The following FSHR variants were observed in gnomAD, a reference collection of about 807,000 sequenced individuals.
FSHR encodes follicle stimulating hormone receptor.
Under a neutral mutation model 52.1 loss-of-function variants are expected in FSHR, and 46 were observed. That is an observed-to-expected ratio of 0.88 (90% confidence interval 0.70 to 1.13). The LOEUF is 1.13. FSHR is among the 50% of genes most tolerant of loss of function. The pLI is 0.00. For synonymous variants in FSHR, 399 were observed against 309.6 expected (o/e 1.29, Z -3.03); for missense variants, 964 against 834.6 (o/e 1.16, Z -1.91).
chr2:49,007,430 G>A (rs1038915077), intron 4 of FSHR, among the ~76,000 whole-genome samples: 2 of 152,120 alleles, frequency 1.3e-5, no homozygotes, highest in African/African-American at 4.8e-5. Context: ...TCAACCAGCT[G>A]TTTGTGTAAA....
chr2:48,964,279 A>T (rs1306768516), intron 9 of FSHR, among the ~76,000 whole-genome samples: 1 of 152,152 alleles, frequency 6.6e-6, no homozygotes, highest in Non-Finnish European at 1.5e-5. Flanking sequence ...CAGAGCTGGC[A>T]TCAACTCGAC....
At chr2:49,118,378 A>C (rs1671680908) in intron 1 of FSHR, among the ~76,000 whole-genome samples, 1 of 152,156 alleles carries the variant, frequency 6.6e-6, no homozygotes, top group South Asian at 2.1e-4. Context: ...TAGTGAGCTC[A>C]TTCACAAAGG....
intron 1 of FSHR, among the ~76,000 whole-genome samples, chr2:49,075,604 T>C (rs1003199255): frequency 6.6e-6 from 1 of 152,072 alleles, no homozygotes; most frequent in Non-Finnish European, 1.5e-5. Flanking sequence ...ATATTTAAAT[T>C]AGAGAACTCT....
intron 1 of FSHR, among the ~76,000 whole-genome samples, chr2:49,106,009 A>G (rs1671207496): frequency 6.6e-6 from 1 of 152,150 alleles, no homozygotes; most frequent in Admixed American, 6.6e-5. Context: ...CTCCTCTGTA[A>G]AATGGGCATA....
At chr2:48,997,252 G>C in intron 4 of FSHR, 2 of 985,046 alleles carry the variant, frequency 2.0e-6, no homozygotes, top group Non-Finnish European at 2.4e-6. Flanking sequence ...GGAAAGCCTG[G>C]TTTCTTGCCT....
At chr2:49,060,821 C>T (rs4420736) in intron 2 of FSHR, among the ~76,000 whole-genome samples, 54,946 of 151,866 alleles carry the variant, frequency 0.36, 10,310 homozygotes, top group East Asian at 0.49. Context: ...CACTCCCCCC[C>T]GGCCCAAACT....
chr2:49,066,682 T>G (rs1669513755), intron 2 of FSHR, among the ~76,000 whole-genome samples: 1 of 152,122 alleles, frequency 6.6e-6, no homozygotes, highest in Non-Finnish European at 1.5e-5. Context: ...ATTGTTGATA[T>G]GTCAGCTCAG....
At chr2:48,980,014 C>G (rs1003420823) in intron 8 of FSHR, among the ~76,000 whole-genome samples, 15 of 152,312 alleles carry the variant, frequency 9.8e-5, no homozygotes, top group Admixed American at 8.5e-4. Context: ...TTTAGTGTAT[C>G]TGGATGCAGA....
intron 2 of FSHR, 116 bp downstream of exon 2, chr2:49,068,103 T>A: frequency 1.3e-6 from 1 of 792,306 alleles, no homozygotes; most frequent in Non-Finnish European, 2.2e-6. Flanking sequence ...ATGCAGAAAG[T>A]TTGGCTGACC....
At chr2:49,038,290 A>G (rs1265159010) in intron 2 of FSHR, among the ~76,000 whole-genome samples, 3 of 152,184 alleles carry the variant, frequency 2.0e-5, no homozygotes, top group Non-Finnish European at 1.5e-5. Context: ...GTCTCTGGCA[A>G]GTAATAGTAA....
rs568862752 is a variant in FSHR at position 48,969,824 on chromosome 2, C to T, written c.669-941G>A. 7.9e-5 allele frequency among the ~76,000 whole-genome samples: 12 copies of T among 152,282 alleles called. No homozygotes were observed. In the East Asian group the frequency reaches 9.7e-4, roughly 12 times the overall value. On this transcript the variant is annotated intron_variant, in intron 8 of 9. Coordinates refer to ENST00000406846, the MANE Select transcript of FSHR (RefSeq NM_000145.4). Reference sequence around the variant, plus strand: ...CTGGCAGCAGCACCAGTGATGTGGGCGCTTTTCTGGCAGCACCACTGGTAG... The same window carrying T: ...CTGGCAGCAGCACCAGTGATGTGGGTGCTTTTCTGGCAGCACCACTGGTAG...
chr2:49,123,284 C>T (rs577931250), intron 1 of FSHR, among the ~76,000 whole-genome samples: 2 of 152,082 alleles, frequency 1.3e-5, no homozygotes, highest in South Asian at 4.2e-4. Context: ...GCAGATTGCT[C>T]GAGACCAGTC....
intron 1 of FSHR, among the ~76,000 whole-genome samples, chr2:49,073,683 TAAAA>T (rs917151743): frequency 2.0e-5 from 3 of 151,872 alleles, no homozygotes; most frequent in African/African-American, 7.2e-5. Context: ...TTTATAGAAA[TAAAA>T]AAACTTAAAA....
Position 49,154,390 on chromosome 2 carries a change from C to T in FSHR, c.28G>A (p.Ala10Thr), listed in dbSNP as rs182046434. MALLLVSLL[A>T]FLSLGSGCHH... ...CATCCTGAGCCCAAGCTCAGGAATG[C>T]CAGCAAAGAGACCAGGAGCAGGGCC... Residue 10 changes from alanine to threonine, a missense_variant, in exon 1 of 10, where the codon GCA becomes ACA. Physicochemically the swap from Ala to Thr is moderately conservative, Grantham distance 58 (BLOSUM62 0). Coordinates refer to ENST00000406846, the MANE Select transcript of FSHR (RefSeq NM_000145.4). The T allele has an allele frequency of 1.2e-6, 2 of 1,612,978 alleles. No homozygotes were observed. Among genetic ancestry groups the T allele is most frequent in the East Asian group, 2.2e-5 (1 of 44,834 alleles).
chr2:49,085,082 T>C (rs1043000775), intron 1 of FSHR, among the ~76,000 whole-genome samples: 11 of 152,182 alleles, frequency 7.2e-5, no homozygotes, highest in Non-Finnish European at 5.9e-5. Flanking sequence ...TGAACATTGA[T>C]GCAAAAATCC....
chr2:48,999,158 G>C (rs1021454852), intron 4 of FSHR, among the ~76,000 whole-genome samples: 2 of 152,044 alleles, frequency 1.3e-5, no homozygotes, highest in Admixed American at 6.6e-5. Context: ...GTGCTATTCT[G>C]TTCTGGAAAG....
rs374034191 is a variant in FSHR, at chr2:49,035,034, C to T, written c.225-14874G>A. On this transcript the variant is annotated intron_variant, in intron 2 of 9. Coordinates refer to ENST00000406846, the MANE Select transcript of FSHR (RefSeq NM_000145.4). Reference sequence around the variant, plus strand: ...AATGCTGCAGATGGGGCTGCTTCCTCTGCTTACACAGGTGGCTACCCAGTG... The same window carrying T: ...AATGCTGCAGATGGGGCTGCTTCCTTTGCTTACACAGGTGGCTACCCAGTG... Among the ~76,000 whole-genome samples, 21 of 152,368 alleles carry T rather than the reference C, an allele frequency of 1.4e-4. No homozygotes were observed. In the South Asian group the frequency reaches 1.7e-3, roughly 12 times the overall value.
chr2:49,022,158 C>T (rs1229621870), intron 2 of FSHR, among the ~76,000 whole-genome samples: 2 of 151,886 alleles, frequency 1.3e-5, no homozygotes, highest in Non-Finnish European at 2.9e-5. Flanking sequence ...AAAGCTATTT[C>T]CAGGTTCACT....
intron 2 of FSHR, among the ~76,000 whole-genome samples, chr2:49,064,881 G>T (rs1031595283): frequency 1.3e-5 from 2 of 152,150 alleles, no homozygotes; most frequent in African/African-American, 4.8e-5. Flanking sequence ...CTGTAGAAAA[G>T]TAAGCATTTC....
Sources: allele counts gnomAD v4.1 joint callset (sites outside exome capture counted in the v4.1 genomes callset), GRCh38; gene constraint gnomAD v4.1.1; transcripts MANE v1.5; gene names NCBI Gene and HGNC (gene_info 2026-07-23, HGNC 2026-07-21).